Variants in ACTA2 observed in about 807,000 individuals in gnomAD.
The protein encoded by ACTA2 is actin alpha 2, smooth muscle.
A neutral mutation model predicts 39.5 loss-of-function variants in ACTA2; 12 were observed. The observed-to-expected ratio is 0.30, with a 90% CI of 0.19 to 0.49. The LOEUF (loss-of-function observed/expected upper bound fraction) is 0.49. ACTA2 is among the 20% of genes least tolerant of loss of function. The pLI is 0.99. For synonymous variants in ACTA2, 158 were observed against 180.6 expected (o/e 0.88, Z 1.00); for missense variants, 236 against 498.8 (o/e 0.47, Z 5.02).
At chr10:88,989,479 T>C in intron 1 of ACTA2, 1 of 543,454 alleles carries the variant, frequency 1.8e-6, no homozygotes, top group Non-Finnish European at 3.6e-6. Flanking sequence ...ATGCTCAGAG[T>C]GTGTGCACAA....
rs1287419204 is a variant in ACTA2, at chr10:88,966,351, G to A, written c.-23-17398C>T. Among the ~76,000 whole-genome samples the A allele has an allele frequency of 2.0e-5, 3 of 152,222 alleles. No homozygotes were observed. The East Asian group carries it at 5.8e-4, about 29-fold the overall frequency. On this transcript the variant is annotated intron_variant, in intron 1 of 4. Transcript: ENST00000415557. ...GGGAAGGGGATTGGACAGGACTGTGGGCCTGCATTCTATTTTAGGCCCTGC... is the reference window on the plus strand; with the variant it reads ...GGGAAGGGGATTGGACAGGACTGTGAGCCTGCATTCTATTTTAGGCCCTGC...
chr10:88,989,393 C>A, intron 1 of ACTA2: 1 of 407,132 alleles, frequency 2.5e-6, no homozygotes, highest in Non-Finnish European at 4.9e-6. Flanking sequence ...TTTAGGATTT[C>A]AAAAAATTTG....
intron 1 of ACTA2, among the ~76,000 whole-genome samples, chr10:88,983,635 A>C (rs938018794): frequency 9.2e-5 from 12 of 130,778 alleles, no homozygotes; most frequent in East Asian, 4.3e-4. Context: ...AAAAAAAAAA[A>C]AAAACACACA....
chr10:88,973,509 G>A lies in ACTA2; in HGVS notation c.-24+17430C>T, dbSNP rs1014282167. 5 of 556,474 alleles carry A rather than the reference G, an allele frequency of 9.0e-6. No homozygotes were observed. The African/African-American group carries it at 9.7e-5, about 11-fold the overall frequency. 34.5% of individuals were successfully genotyped at this position (556,474 alleles called of 1,614,324 possible). On this transcript the variant is annotated intron_variant, in intron 1 of 4. Coordinates refer to the ACTA2 transcript ENST00000415557. The stretch of plus-strand genomic sequence containing the variant: ...TTTCTCAAGTACTCATGGATGTGAG[G>A]CCAGGTACCCTGTCACCTTGGCTCT...
At chr10:88,955,587 A>G (rs931540999), upstream of ACTA2, among the ~76,000 whole-genome samples, 7 of 152,180 alleles carry the variant, frequency 4.6e-5, no homozygotes, top group African/African-American at 1.4e-4. Flanking sequence ...TCCTCATTTG[A>G]GCATAATTAA....
chr10:88,969,808 G>T (rs1184353631), intron 1 of ACTA2, among the ~76,000 whole-genome samples: 1 of 152,118 alleles, frequency 6.6e-6, no homozygotes, highest in Non-Finnish European at 1.5e-5. Flanking sequence ...CTAGGGAAGG[G>T]ACACTGATTG....
At chr10:88,973,151 T>C in intron 1 of ACTA2, 2 of 1,583,058 alleles carry the variant, frequency 1.3e-6, no homozygotes, top group Non-Finnish European at 1.7e-6. Context: ...CCCAATCCTC[T>C]CACCTTCCCT....
At chr10:88,948,598 T>G (rs1257948580) in intron 2 of ACTA2, 2 of 625,644 alleles carry the variant, frequency 3.2e-6, no homozygotes, top group East Asian at 2.9e-5. Flanking sequence ...GGGGCAGACT[T>G]TGTATCTGAT....
upstream of ACTA2, among the ~76,000 whole-genome samples, chr10:88,953,417 T>G (rs1846083956): frequency 6.6e-6 from 1 of 152,190 alleles, no homozygotes; most frequent in Non-Finnish European, 1.5e-5. Context: ...ATAACTACAT[T>G]CATTTTTTTG....
At chr10:88,950,525 CT>C (rs1407750193) in intron 1 of ACTA2, among the ~76,000 whole-genome samples, 1 of 152,190 alleles carries the variant, frequency 6.6e-6, no homozygotes, top group Admixed American at 6.5e-5. Context: ...GAACATAAAA[CT>C]GCAATTGAGA....
intron 8 of ACTA2, among the ~76,000 whole-genome samples, chr10:88,936,841 G>A (rs1193953363): frequency 1.3e-5 from 2 of 152,014 alleles, no homozygotes; most frequent in African/African-American, 4.8e-5. Context: ...TTTCATTTTT[G>A]CCAAATGTTA....
At chr10:88,949,123 T>G (rs1846005636) in intron 1 of ACTA2, among the ~76,000 whole-genome samples, 170 bp from the exon 2 acceptor site, 1 of 152,222 alleles carries the variant, frequency 6.6e-6, no homozygotes, top group African/African-American at 2.4e-5. Context: ...AGTTACACTA[T>G]AAGCTTTCAG....
chr10:88,936,993 T>C (rs2133242746), intron 8 of ACTA2, among the ~76,000 whole-genome samples: 1 of 152,266 alleles, frequency 6.6e-6, no homozygotes, highest in South Asian at 2.1e-4. Flanking sequence ...CTCTTTCTGT[T>C]ATCGACCCTC....
At chr10:88,962,190 G>A (rs527897113) in intron 1 of ACTA2, among the ~76,000 whole-genome samples, 29 of 152,268 alleles carry the variant, frequency 1.9e-4, no homozygotes, top group Admixed American at 6.5e-4. Context: ...TTATGAGAAG[G>A]TAGAAATTGT....
At chr10:88,963,691 C>T (rs1273330767) in intron 1 of ACTA2, among the ~76,000 whole-genome samples, 1 of 152,126 alleles carries the variant, frequency 6.6e-6, no homozygotes, top group African/African-American at 2.4e-5. Flanking sequence ...ATGCCATTCT[C>T]ATTGGAGGCT....
At chr10:88,979,581 A>T (rs1226276011) in intron 1 of ACTA2, among the ~76,000 whole-genome samples, 2 of 151,244 alleles carry the variant, frequency 1.3e-5, no homozygotes, top group Non-Finnish European at 2.9e-5. Context: ...GTTCTCTCTC[A>T]CTCTCCCTCT....
intron 8 of ACTA2, among the ~76,000 whole-genome samples, chr10:88,936,080 A>G (rs1845733158): frequency 6.6e-6 from 1 of 152,374 alleles, no homozygotes; most frequent in African/African-American, 2.4e-5. Flanking sequence ...TTTACTGAGC[A>G]TGTAATTATA....
chr10:88,949,254 A>T (rs1243559037), intron 1 of ACTA2, among the ~76,000 whole-genome samples: 3 of 152,196 alleles, frequency 2.0e-5, no homozygotes, highest in African/African-American at 7.2e-5. Flanking sequence ...GTGAATGAAT[A>T]AACAAACTGC....
chr10:88,956,472 C>G (rs376122091), upstream of ACTA2, among the ~76,000 whole-genome samples: 11 of 152,102 alleles, frequency 7.2e-5, no homozygotes, highest in Non-Finnish European at 1.6e-4. Context: ...AATGGATAAT[C>G]GAGGATAGTT....
Sources: allele counts gnomAD v4.1 joint callset (sites outside exome capture counted in the v4.1 genomes callset), GRCh38; gene constraint gnomAD v4.1.1; transcripts MANE v1.5; gene names NCBI Gene and HGNC (gene_info 2026-07-23, HGNC 2026-07-21).